The following CLCN3 variants were observed in gnomAD, a reference collection of about 807,000 sequenced individuals.
CLCN3 encodes the protein H(+)/Cl(-) exchange transporter 3.
In CLCN3, 16 loss-of-function variants were observed where a neutral mutation model predicts 83.4. The observed-to-expected ratio is 0.19, with a 90% CI of 0.13 to 0.29. The LOEUF is 0.29. CLCN3 is among the 10% of genes least tolerant of loss of function. CLCN3 has a pLI of 1.00. For missense variants in CLCN3, 544 were observed against 1,006.0 expected (o/e 0.54, Z 6.21); for synonymous variants, 322 against 346.2 (o/e 0.93, Z 0.78).
intron 11 of CLCN3, among the ~76,000 whole-genome samples, chr4:169,711,334 G>A (rs964303942): frequency 6.6e-6 from 1 of 152,138 alleles, no homozygotes; most frequent in African/African-American, 2.4e-5. Context: ...TATGTCAATT[G>A]CTAATGGACT....
In CLCN3 at chr4:169,650,389, C is replaced by A. The variant is rs573853098; in HGVS notation, c.160+14301C>A. Among the ~76,000 whole-genome samples the A allele has an allele frequency of 2.0e-5, 3 of 152,192 alleles. No homozygotes were observed. In the South Asian group the frequency reaches 6.2e-4, roughly 32 times the overall value. ...TACAGAGTTTCAAAGGTTATGTGTG[C>A]GCATATTGTCTTCAGTAGATGACAA... On this transcript the variant is annotated intron_variant, in intron 2 of 12. Coordinates refer to ENST00000513761, the MANE Select transcript of CLCN3 (RefSeq NM_001829.4).
chr4:169,668,574 G>A (rs1731340327), intron 2 of CLCN3, among the ~76,000 whole-genome samples: 2 of 152,120 alleles, frequency 1.3e-5, no homozygotes, highest in Admixed American at 6.6e-5. Flanking sequence ...TCAAAGTGCA[G>A]TAAAGTCATG....
At position 169,687,705 on chromosome 4, in the gene CLCN3, G is replaced by A; in HGVS notation, c.366G>A (p.Leu122=). Residue 122 remains leucine (L), a synonymous_variant, in exon 4 of 13, where the codon TTG becomes TTA. Coordinates refer to ENST00000513761, the MANE Select transcript of CLCN3 (RefSeq NM_001829.4). The stretch of plus-strand genomic sequence containing the variant: ...CAGCATGGGAAATGACAAAAAGTTT[G>A]TATGATGCGTGGTCAGGATGGCTAG... The part of the protein sequence containing the change: ...KESAWEMTKS[L]YDAWSGWLVV... The A allele has an allele frequency of 1.2e-6, 2 of 1,610,498 alleles. No homozygotes were observed. The highest frequency in any genetic ancestry group is 1.7e-6 in the Non-Finnish European group (2 of 1,178,278).
At position 169,706,624 on chromosome 4, in the gene CLCN3, G is replaced by C. The variant is rs145996069; in HGVS notation, c.1751-244G>C. 8.0e-3 allele frequency among the ~76,000 whole-genome samples: 1,211 copies of C among 152,198 alleles called. 19 individuals carry two copies. Among genetic ancestry groups the C allele is most frequent in the African/African-American group, 0.028 (1,160 of 41,522 alleles). The stretch of plus-strand genomic sequence containing the variant: ...GCTTTTTTAAAATATGAAATAAACA[G>C]GTTTTTAAAATGTTATTTTAATAGT... On this transcript the variant is annotated intron_variant, in intron 10 of 12. Coordinates refer to ENST00000513761, the MANE Select transcript of CLCN3 (RefSeq NM_001829.4).
At chr4:169,706,718 A>G (rs1733007763) in intron 10 of CLCN3, 150 bp from the exon 11 acceptor site, 5 of 603,572 alleles carry the variant, frequency 8.3e-6, no homozygotes, top group Non-Finnish European at 1.5e-5. Context: ...TTATTGTCCT[A>G]AAAGAGGAGT....
intron 2 of CLCN3, among the ~76,000 whole-genome samples, chr4:169,672,220 T>TGACAGATAGATAGATA (rs1553968503): frequency 6.9e-6 from 1 of 145,496 alleles, no homozygotes; most frequent in Non-Finnish European, 1.5e-5. Flanking sequence ...TCAAAATAAA[T>TGACAGATAGATAGATA]GATAGATAGA....
intron 2 of CLCN3, among the ~76,000 whole-genome samples, chr4:169,678,056 T>C (rs911374267): frequency 2.6e-5 from 4 of 152,200 alleles, no homozygotes; most frequent in African/African-American, 9.7e-5. Flanking sequence ...TGAGATGAAG[T>C]GTATATCATC....
At position 169,721,117 on chromosome 4, in the gene CLCN3, AG is replaced by A. The variant is rs1401713711; in HGVS notation, c.*1121del. On this transcript the variant is annotated 3_prime_UTR_variant, in exon 13 of 13. Coordinates refer to ENST00000513761, the MANE Select transcript of CLCN3 (RefSeq NM_001829.4). ...GATATCTCATGGCTGACACTGAAGAAGAAATGTAATTCATAACTTGCACTAA... is the reference window on the plus strand; with the variant it reads ...GATATCTCATGGCTGACACTGAAGAAAAATGTAATTCATAACTTGCACTAA... 1 of 152,244 alleles carries A rather than the reference AG, an allele frequency of 6.6e-6. No individual in the cohort carries two copies. The highest frequency in any genetic ancestry group is 2.4e-5 in the African/African-American group (1 of 41,458). 9.4% of individuals were successfully genotyped at this position (152,244 alleles called of 1,614,324 possible).
At chr4:169,633,366 T>C (rs1773427453) in intron 1 of CLCN3, among the ~76,000 whole-genome samples, 1 of 152,232 alleles carries the variant, frequency 6.6e-6, no homozygotes, top group Non-Finnish European at 1.5e-5. Context: ...TGTGTATCTA[T>C]TACAATGTTT....
chr4:169,713,037 T>C (rs747586884), intron 11 of CLCN3, 42 bp from the exon 12 acceptor site: 1 of 1,463,132 alleles, frequency 6.8e-7, no homozygotes, highest in Non-Finnish European at 9.5e-7. Flanking sequence ...TACTTAAAAA[T>C]CTATCAGTTT....
intron 2 of CLCN3, among the ~76,000 whole-genome samples, chr4:169,648,393 G>C (rs991161636): frequency 2.0e-5 from 3 of 152,100 alleles, no homozygotes; most frequent in African/African-American, 7.2e-5. Flanking sequence ...ATGGACTGGA[G>C]TTAACTTTTA....
intron 1 of CLCN3, among the ~76,000 whole-genome samples, chr4:169,622,782 TC>T (rs1773140330): frequency 6.6e-6 from 1 of 152,160 alleles, no homozygotes; most frequent in Non-Finnish European, 1.5e-5. Flanking sequence ...GTTCCTGCTC[TC>T]TGCTGCACCA....
intron 11 of CLCN3, among the ~76,000 whole-genome samples, chr4:169,712,137 A>G (rs1733244559): frequency 6.6e-6 from 1 of 150,960 alleles, no homozygotes; most frequent in Non-Finnish European, 1.5e-5. Context: ...TGTTAGGATT[A>G]CAAGCCTGAG....
intron 11 of CLCN3, among the ~76,000 whole-genome samples, chr4:169,709,331 T>G (rs6815569): frequency 6.6e-6 from 1 of 151,502 alleles, no homozygotes; most frequent in Admixed American, 6.6e-5. Context: ...AATATTAAAT[T>G]CAAATGAGAT....
At chr4:169,628,175 A>T (rs1773280939) in intron 1 of CLCN3, among the ~76,000 whole-genome samples, 1 of 152,232 alleles carries the variant, frequency 6.6e-6, no homozygotes. Flanking sequence ...AATGGATCAC[A>T]GACTGAAATA....
At chr4:169,624,765 A>G (rs906770708) in intron 1 of CLCN3, among the ~76,000 whole-genome samples, 2 of 152,170 alleles carry the variant, frequency 1.3e-5, no homozygotes, top group Non-Finnish European at 2.9e-5. Context: ...GTAAATGAAT[A>G]AGTTATGTTG....
chr4:169,673,306 G>C (rs1177167410), intron 2 of CLCN3, among the ~76,000 whole-genome samples: 1 of 152,178 alleles, frequency 6.6e-6, no homozygotes, highest in Non-Finnish European at 1.5e-5. Flanking sequence ...ATGTTGAGTA[G>C]TTTCCACAGA....
At chr4:169,716,187 G>C (rs1234496531) in intron 12 of CLCN3, among the ~76,000 whole-genome samples, 1 of 152,126 alleles carries the variant, frequency 6.6e-6, no homozygotes, top group Non-Finnish European at 1.5e-5. Flanking sequence ...AATTACTAAA[G>C]CAGCACTCTG....
chr4:169,669,641 T>G (rs1266289890), intron 2 of CLCN3, among the ~76,000 whole-genome samples: 1 of 152,222 alleles, frequency 6.6e-6, no homozygotes, highest in Non-Finnish European at 1.5e-5. Flanking sequence ...GCTAGTATGA[T>G]CTTACCTGTA....
Sources: allele counts gnomAD v4.1 joint callset (sites outside exome capture counted in the v4.1 genomes callset), GRCh38; gene constraint gnomAD v4.1.1; transcripts MANE v1.5; gene names NCBI Gene and HGNC (gene_info 2026-07-23, HGNC 2026-07-21).